The following MEGF11 variants were observed in gnomAD, a reference collection of about 807,000 sequenced individuals.
The protein encoded by MEGF11 is multiple epidermal growth factor-like domains protein 11.
A neutral mutation model predicts 146.6 loss-of-function variants in MEGF11; 126 were observed. The ratio of observed to expected loss-of-function variants is 0.86; its 90% confidence interval spans 0.74 to 1.00. The LOEUF (loss-of-function observed/expected upper bound fraction) is 1.00. MEGF11 is among the 50% of genes least tolerant of loss of function. The pLI is 0.00. For synonymous variants in MEGF11, 532 were observed against 583.4 expected (o/e 0.91, Z 1.27); for missense variants, 1,509 against 1,521.2 (o/e 0.99, Z 0.13).
chr15:66,224,653 TTATATA>T (rs2091811345), intron 1 of MEGF11, among the ~76,000 whole-genome samples: 1 of 145,496 alleles, frequency 6.9e-6, no homozygotes, highest in Admixed American at 7.0e-5. Context: ...TATTATATAT[TTATATA>T]TAAAGTATAT....
At chr15:66,121,072 C>T (rs1045289474) in intron 3 of MEGF11, among the ~76,000 whole-genome samples, 13 of 152,280 alleles carry the variant, frequency 8.5e-5, no homozygotes, top group African/African-American at 3.1e-4. Context: ...CACTCTAGGT[C>T]ATCAGGAAAG....
At chr15:66,178,736 C>A (rs1159529684) in intron 1 of MEGF11, among the ~76,000 whole-genome samples, 2 of 152,132 alleles carry the variant, frequency 1.3e-5, no homozygotes, top group Non-Finnish European at 2.9e-5. Context: ...TGGGTCCCAG[C>A]CCTTCAGAGG....
At chr15:66,100,138 T>C (rs932057858) in intron 4 of MEGF11, among the ~76,000 whole-genome samples, 4 of 152,226 alleles carry the variant, frequency 2.6e-5, no homozygotes, top group African/African-American at 9.6e-5. Context: ...GCTCTGCCCA[T>C]TCATGCAGTA....
chr15:66,143,012 G>T (rs1337453114), intron 1 of MEGF11, among the ~76,000 whole-genome samples: 1 of 152,198 alleles, frequency 6.6e-6, no homozygotes, highest in African/African-American at 2.4e-5. Flanking sequence ...CCTAGTTCAG[G>T]TCTCTTGCAG....
At chr15:66,107,440 G>A (rs992071419) in intron 4 of MEGF11, among the ~76,000 whole-genome samples, 1 of 152,204 alleles carries the variant, frequency 6.6e-6, no homozygotes, top group Non-Finnish European at 1.5e-5. Context: ...AGGAGGCACT[G>A]CATGAGGAGC....
chr15:66,156,601 T>C (rs1342214449), intron 1 of MEGF11, among the ~76,000 whole-genome samples: 3 of 151,774 alleles, frequency 2.0e-5, no homozygotes, highest in Non-Finnish European at 4.4e-5. Flanking sequence ...GAGTCAAGAC[T>C]CCTGCCAGCC....
chr15:66,154,168 G>A (rs562611996), intron 1 of MEGF11, among the ~76,000 whole-genome samples: 1 of 152,366 alleles, frequency 6.6e-6, no homozygotes, highest in African/African-American at 2.4e-5. Flanking sequence ...GCCAGCAGGT[G>A]TGGCTGGAGT....
At chr15:66,073,641 G>A (rs2085461245) in intron 5 of MEGF11, among the ~76,000 whole-genome samples, 1 of 152,192 alleles carries the variant, frequency 6.6e-6, no homozygotes, top group African/African-American at 2.4e-5. Context: ...TGGTTCCCCA[G>A]GGAGACACAG....
intron 1 of MEGF11, among the ~76,000 whole-genome samples, chr15:66,132,534 G>A (rs530444073): frequency 8.5e-5 from 13 of 152,284 alleles, no homozygotes; most frequent in African/African-American, 2.6e-4. Flanking sequence ...TTGCACTGGC[G>A]GCAGGAGTGG....
intron 1 of MEGF11, among the ~76,000 whole-genome samples, chr15:66,236,235 AC>A (rs2092088423): frequency 6.6e-6 from 1 of 152,156 alleles, no homozygotes; most frequent in South Asian, 2.1e-4. Context: ...GCTTGGTGCT[AC>A]CCAAGCATCA....
chr15:66,201,604 C>T (rs1268309573), intron 1 of MEGF11, among the ~76,000 whole-genome samples: 1 of 151,950 alleles, frequency 6.6e-6, no homozygotes, highest in East Asian at 1.9e-4. Flanking sequence ...GATGGCACCT[C>T]TCCCTGCCGA....
intron 5 of MEGF11, among the ~76,000 whole-genome samples, chr15:66,000,818 G>T (rs1391108462): frequency 6.6e-6 from 1 of 152,226 alleles, no homozygotes; most frequent in East Asian, 1.9e-4. Flanking sequence ...TAAAAGTGGA[G>T]AAGCGAAAGG....
At chr15:66,056,044 T>G (rs2084660922) in intron 5 of MEGF11, among the ~76,000 whole-genome samples, 1 of 152,124 alleles carries the variant, frequency 6.6e-6, no homozygotes, top group Admixed American at 6.5e-5. Flanking sequence ...CAGCACCATA[T>G]GTGAGCGTGT....
intron 5 of MEGF11, among the ~76,000 whole-genome samples, chr15:66,024,502 T>A (rs186950030): frequency 6.6e-6 from 1 of 152,196 alleles, no homozygotes; most frequent in African/African-American, 2.4e-5. Flanking sequence ...TGTGCTAATA[T>A]CTGCCTCAAA....
chr15:66,096,530 G>A (rs1177954533), intron 4 of MEGF11, among the ~76,000 whole-genome samples: 3 of 18,966 alleles, frequency 1.6e-4, no homozygotes, highest in Non-Finnish European at 5.8e-4. Context: ...TTCACATTTT[G>A]CCCAGGCTGT....
At chr15:65,955,823 A>AATATATATAAATAAATATAT in intron 10 of MEGF11, among the ~76,000 whole-genome samples, 1 of 40,202 alleles carries the variant, frequency 2.5e-5, no homozygotes, top group Non-Finnish European at 4.5e-5. Context: ...CAATACTTTA[A>AATATATATAAATAAATATAT]ATATATAACA....
intron 1 of MEGF11, among the ~76,000 whole-genome samples, chr15:66,231,774 C>G (rs2091972372): frequency 6.6e-6 from 1 of 152,206 alleles, no homozygotes; most frequent in African/African-American, 2.4e-5. Flanking sequence ...CCCTTCTCCC[C>G]CTCAGTAGTG....
chr15:66,030,194 T>C (rs765667956), intron 5 of MEGF11, among the ~76,000 whole-genome samples: 19 of 152,220 alleles, frequency 1.2e-4, no homozygotes, highest in Non-Finnish European at 2.8e-4. Context: ...TCATATGCTA[T>C]GTACCTGCCG....
intron 5 of MEGF11, among the ~76,000 whole-genome samples, chr15:66,086,611 T>C (rs1051970158): frequency 5.9e-5 from 9 of 152,178 alleles, no homozygotes; most frequent in Admixed American, 3.3e-4. Context: ...AAACAAATGC[T>C]GAGAGAATTC....
Sources: gnomAD v4.1 joint callset for allele counts (sites outside exome capture counted in the v4.1 genomes callset) on GRCh38, gnomAD v4.1.1 for gene constraint, MANE v1.5 for transcripts, NCBI Gene and HGNC (gene_info 2026-07-23, HGNC 2026-07-21) for gene names.